Variants in LAMA2 observed in about 807,000 individuals in gnomAD.
LAMA2 encodes the protein laminin subunit alpha-2.
In LAMA2, 269 loss-of-function variants were observed where a neutral mutation model predicts 364.8. That is an observed-to-expected ratio of 0.74 (90% CI 0.67 to 0.82). LAMA2 has a LOEUF of 0.82. Among genes scored for constraint, LAMA2 ranks in the 40% least tolerant of loss-of-function variants. The pLI is 0.00. For missense variants in LAMA2, 3,807 were observed against 3,873.2 expected, an observed-to-expected ratio of 0.98 and a Z score of 0.45; for synonymous variants, 1,379 against 1,370.6, an observed-to-expected ratio of 1.01 and a Z score of -0.14.
chr6:128,985,616 A>G (rs1253797419), intron 1 of LAMA2, among the ~76,000 whole-genome samples: 1 of 152,182 alleles, frequency 6.6e-6, no homozygotes, highest in Non-Finnish European at 1.5e-5. Flanking sequence ...AAAATGGAAG[A>G]TATGGTATAA....
chr6:129,349,344 A>T lies in LAMA2; in HGVS notation c.4483A>T (p.Thr1495Ser). 1 of 1,613,678 alleles carries T rather than the reference A, an allele frequency of 6.2e-7. No homozygotes were observed. The highest frequency in any genetic ancestry group is 1.7e-4 in the Middle Eastern group (1 of 6,060). ...VAEGLDDYRC[T>S]ACPRGYEGQY... ...AGAAGGACTTGACGACTACCGCTGC[A>T]CGGCTTGTCCACGGGGATATGAAGG... The change falls in exon 31 of 65, where the codon ACG becomes TCG. Residue 1495 changes from threonine (T) to serine (S), a missense_variant. Thr to Ser is a moderately conservative substitution (Grantham distance 58). Coordinates refer to ENST00000421865, the MANE Select transcript of LAMA2 (RefSeq NM_000426.4).
At chr6:129,050,517 C>A (rs1426465825) in intron 2 of LAMA2, among the ~76,000 whole-genome samples, 1 of 152,136 alleles carries the variant, frequency 6.6e-6, no homozygotes, top group Non-Finnish European at 1.5e-5. Flanking sequence ...GCACAGCGTT[C>A]TGCAGAAGAG....
intron 1 of LAMA2, among the ~76,000 whole-genome samples, chr6:128,898,079 G>A (rs975799885): frequency 3.9e-5 from 6 of 152,196 alleles, no homozygotes; most frequent in African/African-American, 1.4e-4. Flanking sequence ...ATGGAATTAA[G>A]TATTTAATTT....
chr6:129,224,108 T>C (rs911559533), intron 12 of LAMA2, among the ~76,000 whole-genome samples: 9 of 152,214 alleles, frequency 5.9e-5, no homozygotes, highest in Admixed American at 2.0e-4. Context: ...TTTGAAGCAA[T>C]TGTGAATAGG....
At chr6:129,165,474 C>T (rs1779689793) in intron 8 of LAMA2, 102 bp from the exon 9 acceptor site, 1 of 710,028 alleles carries the variant, frequency 1.4e-6, no homozygotes, top group South Asian at 1.6e-5. Context: ...TAATTTGCTG[C>T]TCTGTATTAT....
At chr6:129,139,680 T>C (rs1044898194) in intron 4 of LAMA2, among the ~76,000 whole-genome samples, 1 of 152,044 alleles carries the variant, frequency 6.6e-6, no homozygotes, top group African/African-American at 2.4e-5. Flanking sequence ...TTAGGCTTGT[T>C]TTTGTTATTT....
At chr6:128,927,535 A>G (rs973766936) in intron 1 of LAMA2, among the ~76,000 whole-genome samples, 11 of 152,060 alleles carry the variant, frequency 7.2e-5, no homozygotes, top group African/African-American at 2.4e-4. Flanking sequence ...AGAACGTACA[A>G]CTTAACGTGG....
At chr6:128,910,657 T>C (rs1177089077) in intron 1 of LAMA2, among the ~76,000 whole-genome samples, 1 of 152,178 alleles carries the variant, frequency 6.6e-6, no homozygotes, top group Admixed American at 6.5e-5. Context: ...GTTCTCCGTC[T>C]AGCTTCGTTC....
chr6:129,165,937 T>TA (rs1432657372), intron 9 of LAMA2, among the ~76,000 whole-genome samples: 1 of 150,300 alleles, frequency 6.7e-6, no homozygotes, highest in Non-Finnish European at 1.5e-5. Flanking sequence ...TACACAGAGA[T>TA]AAAGAAAGAG....
chr6:128,979,356 T>C (rs891593719), intron 1 of LAMA2, among the ~76,000 whole-genome samples: 4 of 152,134 alleles, frequency 2.6e-5, no homozygotes, highest in Non-Finnish European at 4.4e-5. Flanking sequence ...TAGCAATGCC[T>C]AGTCAGCAAG....
intron 15 of LAMA2, among the ~76,000 whole-genome samples, chr6:129,263,265 C>T (rs1053907259): frequency 5.3e-5 from 8 of 152,072 alleles, no homozygotes; most frequent in African/African-American, 1.4e-4. Flanking sequence ...TCCCCAAGGA[C>T]GTTGCACTGA....
intron 8 of LAMA2, among the ~76,000 whole-genome samples, chr6:129,164,643 A>C (rs776686601): frequency 6.6e-6 from 1 of 152,206 alleles, no homozygotes; most frequent in Non-Finnish European, 1.5e-5. Flanking sequence ...TTTCTAATGT[A>C]GTTAACTTAA....
chr6:129,290,484 A>G (rs866733752), intron 19 of LAMA2, among the ~76,000 whole-genome samples: 9 of 152,220 alleles, frequency 5.9e-5, no homozygotes, highest in African/African-American at 2.2e-4. Context: ...TTGTTTGTTT[A>G]TTTGTTTGTT....
Position 129,014,477 on chromosome 6 carries a change from A to T in LAMA2, c.113-35441A>T, listed in dbSNP as rs1784958577. On this transcript the variant is annotated intron_variant, in intron 1 of 64. Coordinates refer to ENST00000421865, the MANE Select transcript of LAMA2 (RefSeq NM_000426.4). ...TCATTTCAAGCTTTAGTTTTTCATC[A>T]TCCTATTCTCCAGATTTCAGCAGCA... Among the ~76,000 whole-genome samples, 3 of 152,088 alleles carry T rather than the reference A, an allele frequency of 2.0e-5. 1 individual carries two copies. In the South Asian group the frequency reaches 6.2e-4, roughly 32 times the overall value.
At chr6:129,074,799 G>A (rs1450360042) in intron 3 of LAMA2, among the ~76,000 whole-genome samples, 2 of 152,138 alleles carry the variant, frequency 1.3e-5, no homozygotes, top group East Asian at 3.9e-4. Flanking sequence ...AATTGGGATC[G>A]TGTGGAAAAT....
rs1014822948 is a variant in LAMA2 at position 129,141,771 on chromosome 6, T to G, written c.640-2130T>G. Among the ~76,000 whole-genome samples, 3 of 152,008 alleles carry G rather than the reference T, an allele frequency of 2.0e-5. No homozygotes were observed. In the East Asian group the frequency reaches 5.8e-4, roughly 29 times the overall value. ...GTGACCTTGAGTCACAGCTCCTCAG[T>G]GCACACACTGTCCTGTACCCAAGCA... is the stretch of plus-strand genomic sequence containing the variant. On this transcript the variant is annotated intron_variant, in intron 4 of 64. Coordinates refer to ENST00000421865, the MANE Select transcript of LAMA2 (RefSeq NM_000426.4).
rs566032782 is a variant in LAMA2, at chr6:129,483,682, C to T, written c.7749+2243C>T. Among the ~76,000 whole-genome samples the T allele has an allele frequency of 3.3e-5, 5 of 152,114 alleles. No homozygotes were observed. In the South Asian group the frequency reaches 6.2e-4, roughly 19 times the overall value. On this transcript the variant is annotated intron_variant, in intron 55 of 64. Transcript: ENST00000421865. ...TGAAATTCCTAGAATAGAAGAATAG[C>T]GTAGTTGGGGCTGTTCCACCAGATA... is the stretch of plus-strand genomic sequence containing the variant.
chr6:129,487,483 C>T (rs1351468197), intron 56 of LAMA2, among the ~76,000 whole-genome samples: 1 of 152,082 alleles, frequency 6.6e-6, no homozygotes, highest in Non-Finnish European at 1.5e-5. Flanking sequence ...AGACTGAAGA[C>T]ATAGAAAAGA....
intron 40 of LAMA2, among the ~76,000 whole-genome samples, chr6:129,417,168 C>T (rs183476134): frequency 9.2e-5 from 14 of 152,060 alleles, no homozygotes; most frequent in East Asian, 3.9e-4. Flanking sequence ...CCACCATTTG[C>T]GGGGGGGTCC....
Sources: gnomAD v4.1 joint callset for allele counts (sites outside exome capture counted in the v4.1 genomes callset) on GRCh38, gnomAD v4.1.1 for gene constraint, MANE v1.5 for transcripts, NCBI Gene and HGNC (gene_info 2026-07-23, HGNC 2026-07-21) for gene names.